The following ACTN3 variants were observed in gnomAD, a reference collection of about 807,000 sequenced individuals.
ACTN3 encodes alpha-actinin-3.
ACTN3 carries 91 observed loss-of-function variants against 119.6 expected under a neutral mutation model. That is an observed-to-expected ratio of 0.76 (90% CI 0.64 to 0.91). The LOEUF (loss-of-function observed/expected upper bound fraction) is 0.91. Among genes scored for constraint, ACTN3 ranks in the 40% least tolerant of loss-of-function variants. ACTN3 has a pLI of 0.00. For synonymous variants in ACTN3, 456 were observed against 478.8 expected, an observed-to-expected ratio of 0.95 and a Z score of 0.62; for missense variants, 1,221 against 1,215.1, an observed-to-expected ratio of 1.00 and a Z score of -0.07.
chr11:66,547,213 C>T (rs1857369854), intron 1 of ACTN3, 129 bp downstream of exon 1: 1 of 1,161,836 alleles, frequency 8.6e-7, no homozygotes, highest in Admixed American at 3.7e-5. Flanking sequence ...AGCCCAGGCT[C>T]TGCCCATCAG....
At position 66,560,720 on chromosome 11, in the gene ACTN3, C is replaced by A; in HGVS notation, c.1825C>A (p.Leu609Ile). Reference sequence around the variant, plus strand: ...CTGCTCCACCAATCCCTACATCACCCTCAGCCCGCAGGACATCAACACCAA... The same window carrying A: ...CTGCTCCACCAATCCCTACATCACCATCAGCCCGCAGGACATCAACACCAA... Reference protein sequence around the residue: ...RPCSTNPYITLSPQDINTKWD... With the variant: ...RPCSTNPYITISPQDINTKWD... Residue 609 changes from leucine to isoleucine, a missense_variant, in exon 15 of 21, where the codon CTC becomes ATC. Coordinates refer to ENST00000513398, the MANE Select transcript of ACTN3 (RefSeq NM_001104.4). The A allele has an allele frequency of 6.2e-7, 1 of 1,613,636 alleles. No homozygotes were observed. The highest frequency in any genetic ancestry group is 1.1e-5 in the South Asian group (1 of 91,056).
intron 7 of ACTN3, 102 bp downstream of exon 7, chr11:66,555,469 C>A: frequency 8.6e-7 from 1 of 1,166,766 alleles, no homozygotes; most frequent in Non-Finnish European, 1.3e-6. Flanking sequence ...TGGGATGCTC[C>A]GACCACCCCC....
chr11:66,554,949 G>T (rs1857557616), intron 5 of ACTN3, among the ~76,000 whole-genome samples, 181 bp from the exon 6 acceptor site: 1 of 152,156 alleles, frequency 6.6e-6, no homozygotes. Context: ...ACGGAATCGT[G>T]ATGAGCTAGC....
chr11:66,562,970 T>C lies in ACTN3; in HGVS notation c.2547+16T>C, dbSNP rs533493832. On this transcript the variant is annotated intron_variant, in intron 20 of 20. Coordinates refer to ENST00000513398, the MANE Select transcript of ACTN3 (RefSeq NM_001104.4). ...AGGAGACAAGGTGAGTCCCAGGCGGTGGAGGGGCTGGTGGGCTAGGGCAGG... is the reference window on the plus strand; with the variant it reads ...AGGAGACAAGGTGAGTCCCAGGCGGCGGAGGGGCTGGTGGGCTAGGGCAGG... 37 of 1,610,394 alleles carry C rather than the reference T, an allele frequency of 2.3e-5. No homozygotes were observed. The African/African-American group carries it at 4.8e-4, about 21-fold the overall frequency.
At position 66,560,719 on chromosome 11, in the gene ACTN3, C is replaced by A; in HGVS notation, c.1824C>A (p.Thr608=). 1 of 1,613,650 alleles carries A rather than the reference C, an allele frequency of 6.2e-7. No individual in the cohort carries two copies. The highest frequency in any genetic ancestry group is 1.7e-5 in the Admixed American group (1 of 59,982). Residue 608 remains threonine (T), a synonymous_variant, in exon 15 of 21, where the codon ACC becomes ACA. Coordinates refer to ENST00000513398, the MANE Select transcript of ACTN3 (RefSeq NM_001104.4). The stretch of plus-strand genomic sequence containing the variant: ...CCTGCTCCACCAATCCCTACATCAC[C>A]CTCAGCCCGCAGGACATCAACACCA... ...LRPCSTNPYI[T]LSPQDINTKW...
chr11:66,548,659 T>G (rs1315586351), intron 1 of ACTN3, among the ~76,000 whole-genome samples: 2 of 152,152 alleles, frequency 1.3e-5, no homozygotes, highest in Non-Finnish European at 2.9e-5. Flanking sequence ...CCCCTCCCTG[T>G]TGCTCTATGC....
chr11:66,561,308 C>G lies in ACTN3; in HGVS notation c.1942C>G (p.Gln648Glu). The G allele has an allele frequency of 1.2e-6, 2 of 1,610,946 alleles. No individual in the cohort carries two copies. The highest frequency in any genetic ancestry group is 1.7e-6 in the Non-Finnish European group (2 of 1,179,102). ...GCAGGTAAACGAGAGGCTCCGGCGACAGTTTGCGGCCCAGGCCAATGCCAT... is the reference window on the plus strand; with the variant it reads ...GCAGGTAAACGAGAGGCTCCGGCGAGAGTTTGCGGCCCAGGCCAATGCCAT... ...RQQVNERLRR[Q>E]FAAQANAIGP... Residue 648 changes from glutamine (Q) to glutamate (E), a missense_variant, in exon 16 of 21, where the codon CAG becomes GAG. Physicochemically the swap from Gln to Glu is conservative, Grantham distance 29. This residue lies in a region of ACTN3 where 934 missense variants were observed against 899.9 expected (regional missense o/e 1.04). Coordinates refer to ENST00000513398, the MANE Select transcript of ACTN3 (RefSeq NM_001104.4).
intron 3 of ACTN3, 47 bp downstream of exon 3, chr11:66,551,694 CTT>C (rs1565303819): frequency 1.9e-6 from 3 of 1,607,598 alleles, no homozygotes; most frequent in South Asian, 2.2e-5. Context: ...AGGGGCCTCT[CTT>C]GACATCAGCA....
In ACTN3 at chr11:66,559,380, A is replaced by G; in HGVS notation, c.1421A>G (p.Glu474Gly). The G allele has an allele frequency of 6.5e-7, 1 of 1,534,398 alleles. No individual in the cohort carries two copies. The highest frequency in any genetic ancestry group is 8.7e-7 in the Non-Finnish European group (1 of 1,147,866). The change falls in exon 12 of 21, where the codon GAG becomes GGG. Residue 474 changes from glutamate (E) to glycine (G), a missense_variant. Around this residue, in one of 3 missense-constraint regions of ACTN3, gnomAD observed 934 missense variants for 899.9 expected, o/e 1.04. Transcript: ENST00000513398. ...GAGCACATTGCCGCGCTGGCCCAGG[A>G]GCTCAAGTAGGCGGGGCCTCGCGGG... The part of the protein sequence containing the change: ...RVEHIAALAQ[E>G]LNELDYHEAA...
intron 1 of ACTN3, among the ~76,000 whole-genome samples, chr11:66,548,682 C>T (rs754381112): frequency 1.3e-5 from 2 of 152,186 alleles, no homozygotes; most frequent in Non-Finnish European, 2.9e-5. Flanking sequence ...CCTTTCTCCC[C>T]AGTGACTCCT....
rs1399511912 is a variant in ACTN3 at position 66,547,255 on chromosome 11, G to A, written c.147+171G>A. ...GCTGTCCCCAGGGCTGGAGGAGAGG[G>A]CTGGGAGCCCTCAAGAGGGGTTTAA... On this transcript the variant is annotated intron_variant, in intron 1 of 20. Transcript: ENST00000513398. 5 of 506,844 alleles carry A rather than the reference G, an allele frequency of 9.9e-6. No individual in the cohort carries two copies. The African/African-American group carries it at 1.0e-4, about 11-fold the overall frequency. The allele number at this position is 506,844 out of a possible 1,614,324, so 31.4% of individuals were successfully genotyped here. A position where few individuals can be genotyped will look rare whatever the true frequency, so the allele number is the denominator to read the frequency against.
At chr11:66,558,568 T>C (rs1268113901) in intron 11 of ACTN3, among the ~76,000 whole-genome samples, 1 of 152,020 alleles carries the variant, frequency 6.6e-6, no homozygotes, top group Non-Finnish European at 1.5e-5. Flanking sequence ...GGTTCTCACT[T>C]TGTTGCCCAG....
At position 66,563,127 on chromosome 11, in the gene ACTN3, G is replaced by A. The variant is rs1278904802; in HGVS notation, c.2640G>A (p.Gly880=). The change falls in exon 21 of 21, where the codon GGG becomes GGA. Residue 880 remains glycine, a synonymous_variant. Coordinates refer to ENST00000513398, the MANE Select transcript of ACTN3 (RefSeq NM_001104.4). ...GTATGGTGCCCTACAAGGGATCCGGGGCCCCGGCTGGAGCCCTGGACTACG... is the reference window on the plus strand; with the variant it reads ...GTATGGTGCCCTACAAGGGATCCGGAGCCCCGGCTGGAGCCCTGGACTACG... ...IRRMVPYKGS[G]APAGALDYVA... is the part of the protein sequence containing the mutation. 1.2e-6 allele frequency: 2 copies of A among 1,613,268 alleles called. No homozygotes were observed. The highest frequency in any genetic ancestry group is 2.7e-5 in the African/African-American group (2 of 74,912).
At chr11:66,547,514 A>G (rs1236981011) in intron 1 of ACTN3, among the ~76,000 whole-genome samples, 1 of 152,118 alleles carries the variant, frequency 6.6e-6, no homozygotes, top group East Asian at 1.9e-4. Flanking sequence ...GGGTCCTCTC[A>G]GACCCCACCC....
Position 66,562,070 on chromosome 11 carries a change from A to C in ACTN3, c.2224A>C (p.Ile742Leu), listed in dbSNP as rs777316808. The part of the protein sequence containing the change: ...EQLLTSIART[I>L]NEVENQVLTR... The stretch of plus-strand genomic sequence containing the variant: ...GCTGCTCACCTCCATTGCCCGCACC[A>C]TCAATGAAGTGGAGAACCAGGTACT... Residue 742 changes from isoleucine to leucine, a missense_variant, in exon 18 of 21, where the codon ATC becomes CTC. Coordinates refer to ENST00000513398, the MANE Select transcript of ACTN3 (RefSeq NM_001104.4). 1.9e-6 allele frequency: 3 copies of C among 1,613,700 alleles called. No individual in the cohort carries two copies. Among genetic ancestry groups the C allele is most frequent in the Admixed American group, 1.7e-5 (1 of 59,942 alleles).
In ACTN3 at chr11:66,551,702, C is replaced by T. The variant is rs56146874; in HGVS notation, c.382+55C>T. 1,419 of 1,603,452 alleles carry T rather than the reference C, an allele frequency of 8.8e-4. 11 individuals are homozygous for T. The African/African-American group carries it at 0.017, about 19-fold the overall frequency. ...AGGGCACAGGGGCCTCTCTTGACAT[C>T]AGCAAATCACCTCTGTGAGCCTCAG... On this transcript the variant is annotated intron_variant, in intron 3 of 20. Transcript: ENST00000513398.
Position 66,551,351 on chromosome 11 carries a change from C to T in ACTN3, c.260C>T (p.Ser87Leu). The change falls in exon 2 of 21, where the codon TCA becomes TTA. Residue 87 changes from serine to leucine, a missense_variant and splice_region_variant. Physicochemically the swap from Ser to Leu is moderately radical, Grantham distance 145. Coordinates refer to ENST00000513398, the MANE Select transcript of ACTN3 (RefSeq NM_001104.4). ...LKLMLLLEVI[S>L]GERLPRPDKG... Reference sequence around the variant, plus strand: ...CTCATGCTGCTCCTGGAGGTCATTTCAGGTGAGGATGGCAAATCAGTGCAC... The same window carrying T: ...CTCATGCTGCTCCTGGAGGTCATTTTAGGTGAGGATGGCAAATCAGTGCAC... 6.2e-7 allele frequency: 1 copy of T among 1,602,120 alleles called. No individual in the cohort carries two copies. Among genetic ancestry groups the T allele is most frequent in the Non-Finnish European group, 8.5e-7 (1 of 1,174,240 alleles).
Position 66,547,012 on chromosome 11 carries a change from G to A in ACTN3, c.75G>A (p.Glu25=). The change falls in exon 1 of 21, where the codon GAG becomes GAA. Residue 25 remains glutamate (E), a synonymous_variant. Transcript: ENST00000513398. ...GRFAGGGGGG[E]YMEQEEDWDR... ...TTGCGGGCGGCGGCGGGGGCGGCGA[G>A]TACATGGAACAGGAGGAGGACTGGG... The A allele has an allele frequency of 6.6e-7, 1 of 1,524,714 alleles. No homozygotes were observed. The highest frequency in any genetic ancestry group is 8.8e-7 in the Non-Finnish European group (1 of 1,140,390). 94.4% of individuals were successfully genotyped at this position (1,524,714 alleles called of 1,614,324 possible).
At position 66,562,835 on chromosome 11, in the gene ACTN3, C is replaced by G. The variant is rs1301870596; in HGVS notation, c.2428C>G (p.Pro810Ala). 2.5e-6 allele frequency: 4 copies of G among 1,613,418 alleles called. No individual in the cohort carries two copies. The highest frequency in any genetic ancestry group is 2.5e-6 in the Non-Finnish European group (3 of 1,179,664). ...TGCTCGCATCATGACCATGGTGGAC[C>G]CCAACGCAGCTGGGGTGGTGACCTT... is the stretch of plus-strand genomic sequence containing the variant. ...EFARIMTMVD[P>A]NAAGVVTFQA... The change falls in exon 20 of 21, where the codon CCC (proline) becomes GCC (alanine). Residue 810 changes from proline to alanine, a missense_variant. Around this residue, in one of 3 missense-constraint regions of ACTN3, gnomAD observed 934 missense variants for 899.9 expected, o/e 1.04. Transcript: ENST00000513398.
Sources: allele counts gnomAD v4.1 joint callset (sites outside exome capture counted in the v4.1 genomes callset), GRCh38; gene constraint gnomAD v4.1.1; regional missense constraint gnomAD v4.1.1; transcripts MANE v1.5; gene names NCBI Gene and HGNC (gene_info 2026-07-23, HGNC 2026-07-21).